FRMPD1: variants seen among roughly 807,000 people sequenced by gnomAD.
FRMPD1 encodes the protein FERM and PDZ domain containing 1.
In FRMPD1, 76 loss-of-function variants were observed where a neutral mutation model predicts 117.8. The observed-to-expected ratio is 0.65, with a 90% CI of 0.54 to 0.78. The LOEUF is 0.78. Among genes scored for constraint, FRMPD1 ranks in the 30% least tolerant of loss-of-function variants. FRMPD1 has a pLI of 0.00. For missense variants in FRMPD1, 1,786 were observed against 1,964.5 expected, an observed-to-expected ratio of 0.91 and a Z score of 1.72; for synonymous variants, 783 against 770.4, an observed-to-expected ratio of 1.02 and a Z score of -0.27.
chr9:37,605,898 G>C, the FRMPD1 span, among the ~76,000 whole-genome samples: 1 of 151,860 alleles, frequency 6.6e-6, no homozygotes, highest in African/African-American at 2.4e-5. Flanking sequence ...GTAGAAGCAG[G>C]GTCTCACTTT....
chr9:37,643,246 TG>T, the FRMPD1 span, among the ~76,000 whole-genome samples: 1 of 152,356 alleles, frequency 6.6e-6, no homozygotes, highest in East Asian at 1.9e-4. Context: ...TTCAAGACTA[TG>T]GGCTTAGTCT....
upstream of FRMPD1, among the ~76,000 whole-genome samples, chr9:37,647,144 A>G (rs561844430): frequency 6.6e-6 from 1 of 152,276 alleles, no homozygotes; most frequent in African/African-American, 2.4e-5. Flanking sequence ...ATCTTGTTCT[A>G]TATTAATATT....
At chr9:37,634,965 T>A in the FRMPD1 span, among the ~76,000 whole-genome samples, 1 of 152,092 alleles carries the variant, frequency 6.6e-6, no homozygotes, top group East Asian at 1.9e-4. Flanking sequence ...ATTTTTAAAG[T>A]ATGAAAGTAT....
intron 10 of FRMPD1, 101 bp downstream of exon 10, chr9:37,732,541 A>C: frequency 1.7e-6 from 2 of 1,143,600 alleles, no homozygotes; most frequent in African/African-American, 1.6e-5. Flanking sequence ...CCACCTACCC[A>C]TCTGTCTGTT....
At position 37,732,368 on chromosome 9, in the gene FRMPD1, T is replaced by A. The variant is rs1309486304; in HGVS notation, c.923T>A (p.Leu308His). The A allele has an allele frequency of 6.2e-7, 1 of 1,613,906 alleles. No homozygotes were observed. Among genetic ancestry groups the A allele is most frequent in the South Asian group, 1.1e-5 (1 of 91,082 alleles). ...VEMKCSSALRLAALHIQERIY... is the reference protein window; with the variant it reads ...VEMKCSSALRHAALHIQERIY... ...ATGAAATGTAGCTCTGCACTCCGAC[T>A]CGCGGCTCTGCACATCCAGGAACGG... The change falls in exon 10 of 16, where the codon CTC becomes CAC. Residue 308 changes from leucine (L) to histidine (H), a missense_variant. Leu to His is a moderately conservative substitution (Grantham distance 99). Transcript: ENST00000377765.
the FRMPD1 span, among the ~76,000 whole-genome samples, chr9:37,621,804 A>T: frequency 1.3e-5 from 2 of 152,154 alleles, no homozygotes; most frequent in Non-Finnish European, 2.9e-5. Context: ...GCCCCAGCAG[A>T]TGAGACAGCT....
chr9:37,623,961 G>T, the FRMPD1 span, among the ~76,000 whole-genome samples: 165 of 152,306 alleles, frequency 1.1e-3, no homozygotes, highest in Admixed American at 2.4e-3. Flanking sequence ...GCAGATTAGG[G>T]TGATGTGGGA....
At chr9:37,651,399 G>A (rs1299171742) in intron 1 of FRMPD1, among the ~76,000 whole-genome samples, 2 of 152,210 alleles carry the variant, frequency 1.3e-5, no homozygotes, top group African/African-American at 2.4e-5. Context: ...GTTCAGGTGC[G>A]GCCGCGGCCA....
chr9:37,685,447 T>C (rs549863124), intron 1 of FRMPD1, among the ~76,000 whole-genome samples: 45 of 151,400 alleles, frequency 3.0e-4, no homozygotes, highest in Admixed American at 1.2e-3. Flanking sequence ...ATCGAGACTA[T>C]CCTGGCTAAC....
At position 37,746,170 on chromosome 9, in the gene FRMPD1, T is replaced by A; in HGVS notation, c.4138T>A (p.Trp1380Arg). 1 of 1,613,618 alleles carries A rather than the reference T, an allele frequency of 6.2e-7. No individual in the cohort carries two copies. Among genetic ancestry groups the A allele is most frequent in the Middle Eastern group, 1.6e-4 (1 of 6,062 alleles). The change falls in exon 16 of 16, where the codon TGG (tryptophan) becomes AGG (arginine). Residue 1380 changes from tryptophan to arginine, a missense_variant. By Grantham distance (101) the Trp-to-Arg change is moderately radical. Coordinates refer to ENST00000377765, the MANE Select transcript of FRMPD1 (RefSeq NM_014907.3). Reference sequence around the variant, plus strand: ...TGCGGGAAGCCCGGTGGTTCTGCCCTGGAGGCCTGCCCGAGCCCACAGCTG... The same window carrying A: ...TGCGGGAAGCCCGGTGGTTCTGCCCAGGAGGCCTGCCCGAGCCCACAGCTG... ...PSAGSPVVLP[W>R]RPARAHSCTT...
intron 1 of FRMPD1, among the ~76,000 whole-genome samples, chr9:37,656,727 G>A (rs1563920114): frequency 6.6e-6 from 1 of 151,936 alleles, no homozygotes; most frequent in Non-Finnish European, 1.5e-5. Flanking sequence ...CTGCCTGAAG[G>A]ACAGTGGGAA....
chr9:37,635,772 A>C, the FRMPD1 span, among the ~76,000 whole-genome samples: 2 of 152,168 alleles, frequency 1.3e-5, no homozygotes, highest in Non-Finnish European at 2.9e-5. Context: ...GAGGCCCCCA[A>C]CCCTGGATGG....
At chr9:37,729,696 G>T in intron 7 of FRMPD1, 32 bp from the exon 8 acceptor site, 2 of 1,610,190 alleles carry the variant, frequency 1.2e-6, no homozygotes, top group South Asian at 1.1e-5. Flanking sequence ...CCTGTTTCTT[G>T]CGTAACTCCT....
intron 7 of FRMPD1, among the ~76,000 whole-genome samples, chr9:37,729,283 T>C (rs1261528712): frequency 7.0e-6 from 1 of 142,970 alleles, no homozygotes; most frequent in Non-Finnish European, 1.5e-5. Context: ...CTCGAGAGGC[T>C]GAAGCAGGAG....
intron 1 of FRMPD1, among the ~76,000 whole-genome samples, chr9:37,663,354 G>T (rs1325150315): frequency 6.6e-6 from 1 of 152,144 alleles, no homozygotes; most frequent in Non-Finnish European, 1.5e-5. Flanking sequence ...GCCAGGTGGG[G>T]ATTGCATGCC....
chr9:37,641,966 C>G, the FRMPD1 span, among the ~76,000 whole-genome samples: 22,561 of 152,236 alleles, frequency 0.15, 1,782 homozygotes, highest in African/African-American at 0.2. Flanking sequence ...AGGTGAAGAT[C>G]TCTCAGACCC....
At chr9:37,645,114 AGAG>A in the FRMPD1 span, among the ~76,000 whole-genome samples, 3 of 144,836 alleles carry the variant, frequency 2.1e-5, no homozygotes, top group Non-Finnish European at 4.5e-5. Context: ...AAAAAAAAAA[AGAG>A]AGAGAGAGAA....
At chr9:37,674,878 G>A (rs1426295436) in intron 1 of FRMPD1, among the ~76,000 whole-genome samples, 1 of 152,130 alleles carries the variant, frequency 6.6e-6, no homozygotes, top group Admixed American at 6.5e-5. Flanking sequence ...ATACATTCAA[G>A]TTGAGATCTA....
chr9:37,622,430 C>T, the FRMPD1 span, among the ~76,000 whole-genome samples: 2 of 152,168 alleles, frequency 1.3e-5, no homozygotes, highest in African/African-American at 4.8e-5. Context: ...CTTGAGCATC[C>T]CAGAGGGTCA....
Sources: gnomAD v4.1 joint callset for allele counts (sites outside exome capture counted in the v4.1 genomes callset) on GRCh38, gnomAD v4.1.1 for gene constraint, MANE v1.5 for transcripts, NCBI Gene and HGNC (gene_info 2026-07-23, HGNC 2026-07-21) for gene names.